ARHGEF7: variants seen among roughly 807,000 people sequenced by gnomAD.
The protein encoded by ARHGEF7 is Rho guanine nucleotide exchange factor 7.
In ARHGEF7, 33 loss-of-function variants were observed where a neutral mutation model predicts 109.8. That is an observed-to-expected ratio of 0.30 (90% CI 0.23 to 0.40). The LOEUF (loss-of-function observed/expected upper bound fraction) is 0.40. Ranked by LOEUF, ARHGEF7 falls within the 10% of genes least tolerant of loss-of-function variation. The probability of loss-of-function intolerance (pLI) is 1.00; values close to 1 mark genes in which losing one functional copy is unlikely to be tolerated. For missense variants in ARHGEF7, 938 were observed against 1,098.5 expected, an observed-to-expected ratio of 0.85 and a Z score of 2.07; for synonymous variants, 458 against 424.6, an observed-to-expected ratio of 1.08 and a Z score of -0.97.
At position 111,277,582 on chromosome 13, in the gene ARHGEF7, A is replaced by G. The variant is rs1205738898; in HGVS notation, c.1420-5A>G. ...AAATGTTTTGGATTTCTTTTTTTGT[A>G]TTAGGAAAAGAATGAAAGATATCTT... On this transcript the variant is annotated splice_polypyrimidine_tract_variant and splice_region_variant and intron_variant, in intron 12 of 21. Coordinates refer to ENST00000646102, the MANE Select transcript of ARHGEF7 (RefSeq NM_001354046.2). 1 of 1,572,826 alleles carries G rather than the reference A, an allele frequency of 6.4e-7. No homozygotes were observed. The highest frequency in any genetic ancestry group is 1.7e-5 in the Admixed American group (1 of 59,302).
At position 111,266,535 on chromosome 13, in the gene ARHGEF7, C is replaced by T. The variant is rs1266587482; in HGVS notation, c.951-1013C>T. 6.6e-6 allele frequency among the ~76,000 whole-genome samples: 1 copy of T among 152,196 alleles called. No homozygotes were observed. The highest frequency in any genetic ancestry group is 1.9e-4 in the East Asian group (1 of 5,180). ...TATCATATTTCCTTTTTCTCCTTTG[C>T]TCCTTCATTCCCCTTTTTTTAGGCA... On this transcript the variant is annotated intron_variant, in intron 8 of 21. Transcript: ENST00000646102. The surrounding 1 kb of genome is among the most constrained non-coding windows in gnomAD (Gnocchi z 4.8).
intron 8 of ARHGEF7, among the ~76,000 whole-genome samples, chr13:111,260,183 G>A (rs940376178): frequency 5.3e-5 from 8 of 152,232 alleles, no homozygotes; most frequent in Non-Finnish European, 8.8e-5. Flanking sequence ...AGACATAGGG[G>A]TAGAAAGTTT....
At chr13:111,155,102 G>A (rs1364029273) in intron 2 of ARHGEF7, among the ~76,000 whole-genome samples, 1 of 152,154 alleles carries the variant, frequency 6.6e-6, no homozygotes, top group African/African-American at 2.4e-5. Flanking sequence ...ATGATTTAAT[G>A]TTTACGGGAC....
At chr13:111,231,840 T>C (rs1034242720) in intron 5 of ARHGEF7, among the ~76,000 whole-genome samples, 5 of 152,080 alleles carry the variant, frequency 3.3e-5, no homozygotes, top group Non-Finnish European at 5.9e-5. Context: ...ATTCTTGCAG[T>C]GGAGGTGAGC....
chr13:111,277,270 T>A (rs1303705216), intron 12 of ARHGEF7, among the ~76,000 whole-genome samples: 4 of 152,254 alleles, frequency 2.6e-5, no homozygotes, highest in Admixed American at 2.6e-4. Flanking sequence ...TTCAAGATGT[T>A]ACACAGGCTA....
chr13:111,154,865 C>T (rs1174944434), intron 2 of ARHGEF7, among the ~76,000 whole-genome samples: 1 of 152,092 alleles, frequency 6.6e-6, no homozygotes, highest in Non-Finnish European at 1.5e-5. Flanking sequence ...TCACTCTTAA[C>T]CTTAGTTTTC....
intron 4 of ARHGEF7, 46 bp downstream of exon 4, chr13:111,210,048 T>C (rs763402071): frequency 1.7e-5 from 28 of 1,611,350 alleles, no homozygotes; most frequent in Non-Finnish European, 2.4e-5. Context: ...GGGAAGGATA[T>C]GAGTGTGTAT....
chr13:111,178,975 T>C (rs749555198), intron 2 of ARHGEF7, among the ~76,000 whole-genome samples: 1 of 152,198 alleles, frequency 6.6e-6, no homozygotes, highest in Non-Finnish European at 1.5e-5. Context: ...CCCTTTTTTT[T>C]TGTTTTGAAA....
In ARHGEF7 at chr13:111,258,786, G is replaced by T. The variant is rs1211549956; in HGVS notation, c.951-8762G>T. 6.6e-6 allele frequency among the ~76,000 whole-genome samples: 1 copy of T among 152,188 alleles called. No homozygotes were observed. The highest frequency in any genetic ancestry group is 2.4e-5 in the African/African-American group (1 of 41,436). ...TCAAGTGGGCTCTTGGGAGTCCCCA[G>T]TTTCAGGCCTTGGCTGTTAGACATG... On this transcript the variant is annotated intron_variant, in intron 8 of 21. Transcript: ENST00000646102. The surrounding 1 kb of genome is among the most constrained non-coding windows in gnomAD (Gnocchi z 4.4).
chr13:111,284,397 T>C (rs148773987), intron 16 of ARHGEF7, among the ~76,000 whole-genome samples: 395 of 152,340 alleles, frequency 2.6e-3, no homozygotes, highest in African/African-American at 8.7e-3. Flanking sequence ...TTTTATGATA[T>C]CTTTCAGGTA....
intron 15 of ARHGEF7, 47 bp from the exon 16 acceptor site, chr13:111,283,092 A>G: frequency 6.5e-7 from 1 of 1,547,354 alleles, no homozygotes; most frequent in Non-Finnish European, 8.7e-7. Context: ...CGCGGTGAGC[A>G]CGCGAGTCTC....
At chr13:111,248,086 T>C (rs1036252975) in intron 8 of ARHGEF7, among the ~76,000 whole-genome samples, 11 of 152,340 alleles carry the variant, frequency 7.2e-5, no homozygotes, top group Admixed American at 1.3e-4. Context: ...TCAGGTGTGT[T>C]ACTGACAAAC....
chr13:111,204,708 G>A (rs1469677699), intron 2 of ARHGEF7, among the ~76,000 whole-genome samples: 1 of 152,150 alleles, frequency 6.6e-6, no homozygotes, highest in Non-Finnish European at 1.5e-5. Context: ...GGGCTTGCCT[G>A]GTTCTGGCCT....
intron 1 of ARHGEF7, among the ~76,000 whole-genome samples, chr13:111,147,689 C>T (rs1250576578): frequency 7.2e-6 from 1 of 139,666 alleles, no homozygotes. Context: ...TCAGAGGTCA[C>T]CTTTTTTTTT....
intron 6 of ARHGEF7, among the ~76,000 whole-genome samples, chr13:111,242,755 G>C (rs1436113336): frequency 2.0e-5 from 3 of 152,228 alleles, no homozygotes; most frequent in African/African-American, 7.2e-5. Context: ...GTCTGGCTCT[G>C]CTTTTCTCAG....
At chr13:111,225,883 CA>C (rs2085145594) in intron 5 of ARHGEF7, among the ~76,000 whole-genome samples, 1 of 152,092 alleles carries the variant, frequency 6.6e-6, no homozygotes. Context: ...CTTAAGTGTT[CA>C]AATGAAAGGA....
In ARHGEF7 at chr13:111,280,582, G is replaced by A. The variant is rs756518459; in HGVS notation, c.1630G>A (p.Asp544Asn). ...ATTAGTGTCGTGCAACAACCAGCAG[G>A]ATCTGCAGGAATGGGTGGAGCACCT... ...RILVSCNNQQ[D>N]LQEWVEHLQK... The change falls in exon 15 of 22, where the codon GAT becomes AAT. Residue 544 changes from aspartate (D) to asparagine (N), a missense_variant. Around this residue, in one of 4 missense-constraint regions of ARHGEF7, gnomAD observed 585 missense variants for 723.6 expected, o/e 0.81. Transcript: ENST00000646102. 2 of 1,612,454 alleles carry A rather than the reference G, an allele frequency of 1.2e-6. No homozygotes were observed. Among genetic ancestry groups the A allele is most frequent in the Non-Finnish European group, 1.7e-6 (2 of 1,179,386 alleles).
At chr13:111,244,111 A>G (rs1240360806) in intron 7 of ARHGEF7, 88 bp from the exon 8 acceptor site, 1 of 1,229,050 alleles carries the variant, frequency 8.1e-7, no homozygotes, top group Admixed American at 2.1e-5. Flanking sequence ...TATTAGGTTA[A>G]GACTTCAATA....
At chr13:111,164,928 C>T (rs2077009221) in intron 2 of ARHGEF7, among the ~76,000 whole-genome samples, 1 of 152,178 alleles carries the variant, frequency 6.6e-6, no homozygotes, top group Non-Finnish European at 1.5e-5. Context: ...ACCATTTTAC[C>T]TGTCAGTGAT....
Sources: allele counts gnomAD v4.1 joint callset (sites outside exome capture counted in the v4.1 genomes callset), GRCh38; gene constraint gnomAD v4.1.1; regional missense constraint gnomAD v4.1.1; non-coding constraint Gnocchi (gnomAD v3.1); transcripts MANE v1.5; gene names NCBI Gene and HGNC (gene_info 2026-07-23, HGNC 2026-07-21).